PIGL: variants seen among roughly 807,000 people sequenced by gnomAD.
PIGL encodes N-acetylglucosaminyl-phosphatidylinositol de-N-acetylase.
A neutral mutation model predicts 31.1 loss-of-function variants in PIGL; 22 were observed. That is an observed-to-expected ratio of 0.71 (90% confidence interval 0.51 to 1.01). The LOEUF is 1.01. Ranked by LOEUF, PIGL falls within the 50% of genes least tolerant of loss-of-function variation. The pLI is 0.00. For missense variants in PIGL, 302 were observed against 315.9 expected (o/e 0.96, Z 0.33); for synonymous variants, 131 against 117.4 (o/e 1.12, Z -0.75).
chr17:16,308,206 G>A lies in PIGL; in HGVS notation c.427-5341G>A, dbSNP rs184993914. ...AAATTAGCCGGGTGTGGTGGCAGAT[G>A]CCTGTAATCCCAGCTACTCAGGAGG... On this transcript the variant is annotated intron_variant, in intron 3 of 6. Transcript: ENST00000225609. Among the ~76,000 whole-genome samples, 29 of 152,082 alleles carry A rather than the reference G, an allele frequency of 1.9e-4. No homozygotes were observed. The East Asian group carries it at 5.6e-3, about 30-fold the overall frequency.
At chr17:16,311,184 AC>A (rs2093047754) in intron 3 of PIGL, among the ~76,000 whole-genome samples, 1 of 151,000 alleles carries the variant, frequency 6.6e-6, no homozygotes, top group South Asian at 2.1e-4. Context: ...TCTTTTCATC[AC>A]CCCTAATCAA....
chr17:16,304,288 A>AT (rs978103280), intron 3 of PIGL, among the ~76,000 whole-genome samples: 1 of 152,130 alleles, frequency 6.6e-6, no homozygotes, highest in Non-Finnish European at 1.5e-5. Flanking sequence ...ATGGGGAGAG[A>AT]TTTTCTCACC....
intron 1 of PIGL, among the ~76,000 whole-genome samples, chr17:16,218,995 T>C (rs895651232): frequency 1.3e-5 from 2 of 152,114 alleles, no homozygotes; most frequent in Admixed American, 1.3e-4. Context: ...ATTTACATTC[T>C]TACTGGCACT....
At chr17:16,242,434 TG>T (rs1160295240) in intron 2 of PIGL, among the ~76,000 whole-genome samples, 10 of 152,104 alleles carry the variant, frequency 6.6e-5, no homozygotes, top group African/African-American at 2.2e-4. Flanking sequence ...TTATTATTGC[TG>T]TGAAAAAGAT....
chr17:16,235,321 A>G (rs908932054), intron 2 of PIGL, among the ~76,000 whole-genome samples: 14 of 152,014 alleles, frequency 9.2e-5, no homozygotes, highest in African/African-American at 3.4e-4. Context: ...GATATTCTGC[A>G]TTTAATTACC....
intron 5 of PIGL, chr17:16,317,116 C>T: frequency 3.9e-6 from 4 of 1,033,528 alleles, no homozygotes; most frequent in South Asian, 3.8e-5. Flanking sequence ...AAGTATTTGA[C>T]CCTACCTGAC....
chr17:16,266,906 TG>T (rs5819561), intron 2 of PIGL, among the ~76,000 whole-genome samples: 91,494 of 122,448 alleles, frequency 0.75, 34,891 homozygotes, highest in Middle Eastern at 0.89. Context: ...TCTTTTTTTT[TG>T]GGGGGGGGGG....
intron 2 of PIGL, among the ~76,000 whole-genome samples, chr17:16,280,618 T>C (rs2092912761): frequency 6.6e-6 from 1 of 152,216 alleles, no homozygotes; most frequent in Non-Finnish European, 1.5e-5. Context: ...TTTGTTACAC[T>C]TGATTAGCCC....
rs544718749 is a variant in PIGL, at chr17:16,223,725, A to G, written c.235+6264A>G. On this transcript the variant is annotated intron_variant, in intron 1 of 6. Transcript: ENST00000225609. Reference sequence around the variant, plus strand: ...TGAGACCCCATCTATTTAAAAAAGAAAAAAAAAAAAGAAAGCTCATTCTGG... The same window carrying G: ...TGAGACCCCATCTATTTAAAAAAGAGAAAAAAAAAAGAAAGCTCATTCTGG... Among the ~76,000 whole-genome samples the G allele has an allele frequency of 4.7e-3, 711 of 149,908 alleles. 6 individuals carry two copies. Among genetic ancestry groups the G allele is most frequent in the African/African-American group, 0.016 (667 of 40,834 alleles).
At chr17:16,217,929 G>A (rs1280540319) in intron 1 of PIGL, 1 of 152,620 alleles carries the variant, frequency 6.6e-6, no homozygotes, top group Non-Finnish European at 1.5e-5. Flanking sequence ...TAACATGCAT[G>A]TGTCAAATTG....
intron 2 of PIGL, among the ~76,000 whole-genome samples, chr17:16,276,834 A>G (rs1451931565): frequency 1.3e-5 from 2 of 152,238 alleles, no homozygotes; most frequent in Admixed American, 1.3e-4. Context: ...CATTTTTACT[A>G]AAGACAAATC....
chr17:16,289,648 G>C (rs973837401), intron 2 of PIGL, among the ~76,000 whole-genome samples: 4 of 152,228 alleles, frequency 2.6e-5, no homozygotes, highest in African/African-American at 7.2e-5. Flanking sequence ...ATTCCCTGTA[G>C]AGCTGCAAAG....
chr17:16,300,202 C>T (rs917503203), intron 3 of PIGL: 5 of 517,996 alleles, frequency 9.7e-6, no homozygotes, highest in African/African-American at 5.7e-5. Context: ...ACTAAATTAT[C>T]AGTGCTCAGA....
At chr17:16,297,990 G>A (rs2092989691) in intron 2 of PIGL, among the ~76,000 whole-genome samples, 1 of 152,112 alleles carries the variant, frequency 6.6e-6, no homozygotes, top group African/African-American at 2.4e-5. Flanking sequence ...GATTCTCATA[G>A]GACTGCAAAC....
At chr17:16,285,537 C>T (rs944742278) in intron 2 of PIGL, among the ~76,000 whole-genome samples, 11 of 152,010 alleles carry the variant, frequency 7.2e-5, no homozygotes, top group Admixed American at 2.0e-4. Flanking sequence ...CCACTGCTCT[C>T]CAGCCTGGGC....
intron 1 of PIGL, among the ~76,000 whole-genome samples, chr17:16,230,063 A>G (rs930774537): frequency 1.3e-5 from 2 of 151,830 alleles, no homozygotes; most frequent in Non-Finnish European, 2.9e-5. Flanking sequence ...GGGTTTCACT[A>G]TGTTGGCCAG....
At chr17:16,300,574 G>T (rs2093000451) in intron 3 of PIGL, among the ~76,000 whole-genome samples, 1 of 152,060 alleles carries the variant, frequency 6.6e-6, no homozygotes, top group South Asian at 2.1e-4. Flanking sequence ...CAGCTACTTG[G>T]GAGGCTGAGG....
intron 2 of PIGL, among the ~76,000 whole-genome samples, chr17:16,276,893 G>A (rs74612745): frequency 0.015 from 2,235 of 152,250 alleles, 70 homozygotes; most frequent in African/African-American, 0.052. Flanking sequence ...TTTGTATAAA[G>A]TGCAGCAACA....
In PIGL at chr17:16,313,584, G is replaced by A. The variant is rs763844120; in HGVS notation, c.464G>A (p.Ser155Asn). 3 of 1,613,934 alleles carry A rather than the reference G, an allele frequency of 1.9e-6. No homozygotes were observed. In the East Asian group the frequency reaches 6.7e-5, roughly 36 times the overall value. Residue 155 changes from serine (S) to asparagine (N), a missense_variant, in exon 4 of 7, where the codon AGC becomes AAC. Coordinates refer to ENST00000225609, the MANE Select transcript of PIGL (RefSeq NM_004278.4). ...GATGCAGGGGGAGTAAGTGGCCACA[G>A]CAATCACATTGCTCTGTATGCAGCT... ...TFDAGGVSGH[S>N]NHIALYAAVR...
Sources: gnomAD v4.1 joint callset for allele counts (sites outside exome capture counted in the v4.1 genomes callset) on GRCh38, gnomAD v4.1.1 for gene constraint, MANE v1.5 for transcripts, NCBI Gene and HGNC (gene_info 2026-07-23, HGNC 2026-07-21) for gene names.